Variants in GTF2I observed in about 807,000 individuals in gnomAD.
GTF2I encodes the protein general transcription factor II-I.
A neutral mutation model predicts 67.6 loss-of-function variants in GTF2I; 12 were observed. The observed-to-expected ratio is 0.18, with a 90% confidence interval of 0.11 to 0.29. GTF2I has a LOEUF of 0.29. Among genes scored for constraint, GTF2I ranks in the 10% least tolerant of loss-of-function variants. The pLI, the probability that GTF2I is intolerant of heterozygous loss-of-function variation, is 1.00. For missense variants in GTF2I, 271 were observed against 580.1 expected, an observed-to-expected ratio of 0.47 and a Z score of 5.47; for synonymous variants, 149 against 197.0, an observed-to-expected ratio of 0.76 and a Z score of 2.04.
intron 1 of GTF2I, among the ~76,000 whole-genome samples, chr7:74,677,099 CAACA>C (rs1805969922): frequency 6.6e-6 from 1 of 151,898 alleles, no homozygotes; most frequent in African/African-American, 2.4e-5. Flanking sequence ...GAAAAAACCC[CAACA>C]GTTTCAGAGA....
rs1375240812 is a variant in GTF2I at position 74,657,947 on chromosome 7, G to C, written c.-127G>C. 1 of 151,812 alleles carries C rather than the reference G, an allele frequency of 6.6e-6. No homozygotes were observed. Among genetic ancestry groups the C allele is most frequent in the Non-Finnish European group, 1.5e-5 (1 of 68,050 alleles). 9.4% of individuals were successfully genotyped at this position (151,812 alleles called of 1,614,324 possible). A position where few individuals can be genotyped will look rare whatever the true frequency, so the allele number is the denominator to read the frequency against. The stretch of plus-strand genomic sequence containing the variant: ...GGCCCCTCGCCCCCTCTCGCCTCCC[G>C]TCCGCTCGCCAGCTCCCCTCAGCCG... On this transcript the variant is annotated 5_prime_UTR_variant, in exon 1 of 35. Coordinates refer to ENST00000573035, the MANE Select transcript of GTF2I (RefSeq NM_032999.4).
intron 9 of GTF2I, among the ~76,000 whole-genome samples, chr7:74,714,644 G>T (rs1379879470): frequency 6.6e-6 from 1 of 151,230 alleles, no homozygotes; most frequent in Non-Finnish European, 1.5e-5. Context: ...TCTTTTGACT[G>T]TTTACATATG....
At chr7:74,678,738 T>C (rs1478922823) in intron 1 of GTF2I, among the ~76,000 whole-genome samples, 1 of 152,144 alleles carries the variant, frequency 6.6e-6, no homozygotes, top group Non-Finnish European at 1.5e-5. Flanking sequence ...ACATAAGTAA[T>C]GTGTTCACCT....
intron 1 of GTF2I, among the ~76,000 whole-genome samples, chr7:74,661,859 G>C (rs1246011743): frequency 1.3e-5 from 2 of 152,102 alleles, no homozygotes; most frequent in African/African-American, 4.8e-5. Context: ...GGAATAAAAT[G>C]GGAAATCTTT....
At chr7:74,699,230 T>C in intron 4 of GTF2I, 135 bp downstream of exon 4, 1 of 432,196 alleles carries the variant, frequency 2.3e-6, no homozygotes, top group Middle Eastern at 6.2e-4. Context: ...ATAACCTTAC[T>C]TTCTTCCACT....
chr7:74,719,610 C>T (rs2718277), intron 12 of GTF2I, among the ~76,000 whole-genome samples: 25,476 of 152,092 alleles, frequency 0.17, 3,875 homozygotes, highest in African/African-American at 0.41. Flanking sequence ...ATGAGCATTG[C>T]GTTTTTCCTT....
rs587681998 is a variant in GTF2I at position 74,701,262 on chromosome 7, GTTTA to G, written c.586+632_586+635del. On this transcript the variant is annotated intron_variant, in intron 6 of 34. Coordinates refer to ENST00000573035, the MANE Select transcript of GTF2I (RefSeq NM_032999.4). The stretch of plus-strand genomic sequence containing the variant: ...AAAGAGTAATACCCTTTAGAGCCAG[GTTTA>G]TTTGAGACTTTCGGAAGTAAATAAC... 1.4e-4 allele frequency among the ~76,000 whole-genome samples: 22 copies of G among 152,244 alleles called. No individual in the cohort carries two copies. In the South Asian group the frequency reaches 4.1e-3, roughly 29 times the overall value.
At chr7:74,671,492 A>G (rs1262746124) in intron 1 of GTF2I, among the ~76,000 whole-genome samples, 3 of 148,010 alleles carry the variant, frequency 2.0e-5, no homozygotes, top group Non-Finnish European at 4.5e-5. Context: ...TTTTTTCTTT[A>G]ATGGGGTCAC....
chr7:74,734,507 C>T (rs1449199311), intron 16 of GTF2I, among the ~76,000 whole-genome samples: 6 of 151,944 alleles, frequency 3.9e-5, no homozygotes, highest in African/African-American at 1.4e-4. Context: ...CTGCAACCTC[C>T]CGCCTCCTGG....
chr7:74,702,269 C>T (rs587718989), intron 6 of GTF2I, among the ~76,000 whole-genome samples: 1 of 151,842 alleles, frequency 6.6e-6, no homozygotes, highest in African/African-American at 2.4e-5. Flanking sequence ...CGTTCTGTCA[C>T]CAAGTTGGAG....
intron 9 of GTF2I, among the ~76,000 whole-genome samples, chr7:74,712,487 AGTGTGTGTGTGTGTGTGTGTGTGT>A (rs142200093): frequency 6.8e-5 from 9 of 131,844 alleles, no homozygotes; most frequent in East Asian, 2.4e-4. Context: ...TTCTCCCGGG[AGTGTGTGTGTGTGTGTGTGTGTGT>A]GTGTGTGTGT....
At chr7:74,708,500 T>C (rs1791079167) in intron 8 of GTF2I, among the ~76,000 whole-genome samples, 1 of 152,146 alleles carries the variant, frequency 6.6e-6, no homozygotes, top group Non-Finnish European at 1.5e-5. Context: ...AGGCTGCTTC[T>C]GGTAGTGTTG....
intron 9 of GTF2I, 108 bp downstream of exon 9, chr7:74,711,217 C>A: frequency 1.8e-6 from 1 of 555,832 alleles, no homozygotes; most frequent in Non-Finnish European, 3.2e-6. Flanking sequence ...TTGATCAGTT[C>A]TTGATTGACA....
chr7:74,699,853 T>C, intron 4 of GTF2I: 1 of 185,076 alleles, frequency 5.4e-6, no homozygotes, highest in Admixed American at 5.3e-5. Context: ...TGATAAGTTT[T>C]CAATGAGAAT....
chr7:74,670,786 C>G (rs782535312), intron 1 of GTF2I, among the ~76,000 whole-genome samples: 21 of 151,050 alleles, frequency 1.4e-4, no homozygotes, highest in Admixed American at 3.3e-4. Context: ...ATTTTCTCTT[C>G]CAAATGGTTT....
chr7:74,689,932 G>A (rs1788119962), intron 2 of GTF2I, among the ~76,000 whole-genome samples: 1 of 151,670 alleles, frequency 6.6e-6, no homozygotes, highest in Non-Finnish European at 1.5e-5. Flanking sequence ...GGTCACGCGG[G>A]TCTCGAACTC....
intron 15 of GTF2I, 67 bp downstream of exon 15, chr7:74,732,729 A>G: frequency 6.5e-7 from 1 of 1,534,926 alleles, no homozygotes; most frequent in Non-Finnish European, 8.7e-7. Flanking sequence ...TTTATTGTTG[A>G]CCAATATTCA....
At chr7:74,752,932 C>CT (rs1174904170) in intron 28 of GTF2I, among the ~76,000 whole-genome samples, 162 bp from the exon 29 acceptor site, 1 of 145,978 alleles carries the variant, frequency 6.9e-6, no homozygotes, top group African/African-American at 2.5e-5. Flanking sequence ...TGAGCAGCGG[C>CT]TTGTACCTGT....
At chr7:74,698,547 A>G (rs1168679533) in intron 3 of GTF2I, among the ~76,000 whole-genome samples, 1 of 151,932 alleles carries the variant, frequency 6.6e-6, no homozygotes, top group African/African-American at 2.4e-5. Context: ...CCAGACAGCT[A>G]GGACTGCAGA....
Sources: gnomAD v4.1 joint callset for allele counts (sites outside exome capture counted in the v4.1 genomes callset) on GRCh38, gnomAD v4.1.1 for gene constraint, MANE v1.5 for transcripts, NCBI Gene and HGNC (gene_info 2026-07-23, HGNC 2026-07-21) for gene names.